Variants in RGP1 observed in about 807,000 individuals in gnomAD.
RGP1 encodes RGP1 partner of RAB6A GEF complex, also known as RAB6A-GEF complex partner protein 2.
Under a neutral mutation model 44.5 loss-of-function variants are expected in RGP1, and 28 were observed. That is an observed-to-expected ratio of 0.63 (90% CI 0.47 to 0.86). RGP1 has a LOEUF of 0.86. Among genes scored for constraint, RGP1 ranks in the 40% least tolerant of loss-of-function variants. The probability of loss-of-function intolerance (pLI) is 0.00; values close to 1 mark genes in which losing one functional copy is unlikely to be tolerated. For missense variants in RGP1, 417 were observed against 490.7 expected, an observed-to-expected ratio of 0.85 and a Z score of 1.42; for synonymous variants, 212 against 196.7, an observed-to-expected ratio of 1.08 and a Z score of -0.65.
chr9:35,783,764 C>T, the RGP1 span, among the ~76,000 whole-genome samples: 1 of 152,172 alleles, frequency 6.6e-6, no homozygotes, highest in Non-Finnish European at 1.5e-5. Context: ...GAAGTGCAGA[C>T]ATTTCTTCAA....
the RGP1 span, among the ~76,000 whole-genome samples, chr9:35,776,207 G>A: frequency 1.3e-5 from 2 of 152,028 alleles, no homozygotes; most frequent in Non-Finnish European, 2.9e-5. Flanking sequence ...AGGTGTTTAG[G>A]ACAATGACGA....
chr9:35,783,706 G>T, the RGP1 span, among the ~76,000 whole-genome samples: 1,195 of 152,174 alleles, frequency 7.9e-3, 12 homozygotes, highest in African/African-American at 0.027. Flanking sequence ...TGGACACTTG[G>T]GTTGATTCCA....
At position 35,749,311 on chromosome 9, in the gene RGP1, A is replaced by ACGCCGCCGCCGCCGC. The variant is rs567841671; in HGVS notation, c.-107_-93dup. On this transcript the variant is annotated 5_prime_UTR_variant, in exon 1 of 9. Transcript: ENST00000378078. This position sits in a 1 kb window ranked among gnomAD's most constrained non-coding sequence, Gnocchi z 4.4. ...AAGTCCCGCCTCTACCGCCCAGCGG[A>ACGCCGCCGCCGCCGC]CGCCGCCGCCGCCGCCGCCGCCGCG... 1.7e-5 allele frequency: 9 copies of ACGCCGCCGCCGCCGC among 521,022 alleles called. No homozygotes were observed. Among genetic ancestry groups the ACGCCGCCGCCGCCGC allele is most frequent in the African/African-American group, 1.4e-4 (7 of 51,546 alleles). 32.3% of individuals were successfully genotyped at this position (521,022 alleles called of 1,614,324 possible).
the RGP1 span, among the ~76,000 whole-genome samples, chr9:35,789,990 G>C: frequency 6.6e-6 from 1 of 152,170 alleles, no homozygotes; most frequent in Non-Finnish European, 1.5e-5. Context: ...CTGCCATTCT[G>C]TAATTCTTTC....
At chr9:35,766,687 C>T in the RGP1 span, among the ~76,000 whole-genome samples, 1 of 152,016 alleles carries the variant, frequency 6.6e-6, no homozygotes, top group Admixed American at 6.6e-5. Context: ...TCTCACTGCA[C>T]AAAAGACACA....
chr9:35,769,396 TC>T, the RGP1 span, among the ~76,000 whole-genome samples: 8,649 of 152,240 alleles, frequency 0.057, 765 homozygotes, highest in African/African-American at 0.19. Context: ...ATTCGCTCAT[TC>T]TTTTATTGAG....
chr9:35,762,718 G>C (rs1827429693), downstream of RGP1, among the ~76,000 whole-genome samples: 1 of 152,196 alleles, frequency 6.6e-6, no homozygotes, highest in Middle Eastern at 3.2e-3. Flanking sequence ...TGGCTGAGAA[G>C]GGTGAAATGA....
the RGP1 span, among the ~76,000 whole-genome samples, chr9:35,769,685 G>C: frequency 6.6e-6 from 1 of 152,184 alleles, no homozygotes; most frequent in Non-Finnish European, 1.5e-5. Context: ...AAAGATGAGA[G>C]AAATTAAAGG....
At position 35,751,701 on chromosome 9, in the gene RGP1, G is replaced by A. The variant is rs770722953; in HGVS notation, c.709G>A (p.Glu237Lys). 1.9e-6 allele frequency: 3 copies of A among 1,613,986 alleles called. No individual in the cohort carries two copies. The South Asian group carries it at 3.3e-5, about 18-fold the overall frequency. ...CTTCAAATCTGTGTACAGACTTGGCGAGGACGTGGTGGGGACCTTAAACTT... is the reference window on the plus strand; with the variant it reads ...CTTCAAATCTGTGTACAGACTTGGCAAGGACGTGGTGGGGACCTTAAACTT... The part of the protein sequence containing the change: ...GIFKSVYRLG[E>K]DVVGTLNLGE... Residue 237 changes from glutamate (E) to lysine (K), a missense_variant, in exon 7 of 9, where the codon GAG becomes AAG. Coordinates refer to ENST00000378078, the MANE Select transcript of RGP1 (RefSeq NM_001080496.3).
Position 35,752,945 on chromosome 9 carries a change from C to T in RGP1, c.*71C>T. On this transcript the variant is annotated 3_prime_UTR_variant, in exon 9 of 9. Transcript: ENST00000378078. ...AGCACCTGGACTCTAATGGGACCCA[C>T]TTTTTCCACCTGGGGTCCAATGTCG... The T allele has an allele frequency of 1.3e-6, 2 of 1,547,918 alleles. No individual in the cohort carries two copies. Among genetic ancestry groups the T allele is most frequent in the Non-Finnish European group, 1.8e-6 (2 of 1,133,894 alleles).
chr9:35,787,196 C>G, the RGP1 span, among the ~76,000 whole-genome samples: 1 of 151,682 alleles, frequency 6.6e-6, no homozygotes, highest in East Asian at 1.9e-4. Flanking sequence ...AGTAAAAACC[C>G]TTGACCCTTT....
the RGP1 span, among the ~76,000 whole-genome samples, chr9:35,783,547 T>C: frequency 6.6e-6 from 1 of 152,160 alleles, no homozygotes; most frequent in Non-Finnish European, 1.5e-5. Flanking sequence ...TTTTTTTTTT[T>C]AGATTCCACA....
At chr9:35,779,202 G>A in the RGP1 span, among the ~76,000 whole-genome samples, 2 of 152,066 alleles carry the variant, frequency 1.3e-5, no homozygotes, top group South Asian at 4.2e-4. Flanking sequence ...AAGTGGCCCT[G>A]CAACTTCCAG....
At position 35,753,925 on chromosome 9, in the gene RGP1, G is replaced by A. The variant is rs1735515592; in HGVS notation, c.*1051G>A. 6.4e-7 allele frequency: 1 copy of A among 1,563,636 alleles called. No homozygotes were observed. Among genetic ancestry groups the A allele is most frequent in the African/African-American group, 1.4e-5 (1 of 73,866 alleles). ...AGGAAGCCTGGGTATTTTGACACGG[G>A]ATCATCTGTAAGGCCCCATCCTCCC... On this transcript the variant is annotated 3_prime_UTR_variant, in exon 9 of 9. Transcript: ENST00000378078. This position sits in a 1 kb window ranked among gnomAD's most constrained non-coding sequence, Gnocchi z 4.2.
At chr9:35,752,199 C>A in intron 8 of RGP1, 54 bp downstream of exon 8, 2 of 1,468,774 alleles carry the variant, frequency 1.4e-6, no homozygotes, top group Non-Finnish European at 1.8e-6. Context: ...AAATGCTGTG[C>A]TAAGGGAGGG....
chr9:35,766,983 G>A, the RGP1 span, among the ~76,000 whole-genome samples: 1 of 152,180 alleles, frequency 6.6e-6, no homozygotes, highest in Non-Finnish European at 1.5e-5. Flanking sequence ...ATACAGTAAA[G>A]TCAAGAAAAA....
the RGP1 span, among the ~76,000 whole-genome samples, chr9:35,782,900 C>A: frequency 1.3e-4 from 19 of 150,654 alleles, no homozygotes; most frequent in Non-Finnish European, 2.5e-4. Flanking sequence ...CCTCCCCCTC[C>A]CCGGTTCAAG....
rs1213856633 is a variant in RGP1 at position 35,754,569 on chromosome 9, C to T, written c.*1695C>T. The T allele has an allele frequency of 6.5e-6, 1 of 154,494 alleles. No individual in the cohort carries two copies. Among genetic ancestry groups the T allele is most frequent in the Non-Finnish European group, 1.4e-5 (1 of 69,774 alleles). The allele number at this position is 154,494 out of a possible 1,614,324, so 9.6% of individuals were successfully genotyped here. A position where few individuals can be genotyped will look rare whatever the true frequency, so the allele number is the denominator to read the frequency against. Reference sequence around the variant, plus strand: ...AGAGAAGGAAGCATTCCACCTTCCCCCTTTCTCCCCCACTGCCACCACCAG... The same window carrying T: ...AGAGAAGGAAGCATTCCACCTTCCCTCTTTCTCCCCCACTGCCACCACCAG... On this transcript the variant is annotated 3_prime_UTR_variant, in exon 9 of 9. Coordinates refer to ENST00000378078, the MANE Select transcript of RGP1 (RefSeq NM_001080496.3).
the RGP1 span, among the ~76,000 whole-genome samples, chr9:35,774,384 G>A: frequency 6.6e-6 from 1 of 152,194 alleles, no homozygotes; most frequent in East Asian, 1.9e-4. Flanking sequence ...CAGCAAAGCA[G>A]TGGTACTAAA....
Sources: gnomAD v4.1 joint callset for allele counts (sites outside exome capture counted in the v4.1 genomes callset) on GRCh38, gnomAD v4.1.1 for gene constraint, Gnocchi (gnomAD v3.1) non-coding constraint, MANE v1.5 for transcripts, NCBI Gene and HGNC (gene_info 2026-07-23, HGNC 2026-07-21) for gene names.